ESR2: variants seen among roughly 807,000 people sequenced by gnomAD.
The protein encoded by ESR2 is estrogen receptor 2.
In ESR2, 36 loss-of-function variants were observed where a neutral mutation model predicts 49.6. The observed-to-expected ratio is 0.73, with a 90% CI of 0.56 to 0.96. ESR2 has a LOEUF of 0.96. ESR2 is among the 40% of genes least tolerant of loss of function. The probability of loss-of-function intolerance (pLI) is 0.00; values close to 1 mark genes in which losing one functional copy is unlikely to be tolerated. For missense variants in ESR2, 714 were observed against 693.0 expected, an observed-to-expected ratio of 1.03 and a Z score of -0.34; for synonymous variants, 320 against 266.1, an observed-to-expected ratio of 1.20 and a Z score of -1.97.
At chr14:64,242,568 G>A (rs1376875117) in intron 7 of ESR2, among the ~76,000 whole-genome samples, 1 of 151,152 alleles carries the variant, frequency 6.6e-6, no homozygotes, top group Non-Finnish European at 1.5e-5. Flanking sequence ...GCTTGTTCAT[G>A]ATGTGCTATT....
intron 1 of ESR2, among the ~76,000 whole-genome samples, chr14:64,306,381 A>AGC (rs2077099291): frequency 1.3e-5 from 2 of 152,202 alleles, no homozygotes; most frequent in Admixed American, 1.3e-4. Flanking sequence ...CTCTGACATC[A>AGC]GCAGCAACAC....
At chr14:64,274,755 C>G (rs2076523016) in intron 3 of ESR2, among the ~76,000 whole-genome samples, 1 of 152,132 alleles carries the variant, frequency 6.6e-6, no homozygotes, top group Non-Finnish European at 1.5e-5. Flanking sequence ...TATAAACTTT[C>G]CTCTTAGTAC....
At chr14:64,311,715 G>A (rs552429260) in intron 1 of ESR2, among the ~76,000 whole-genome samples, 84 of 150,948 alleles carry the variant, frequency 5.6e-4, no homozygotes, top group African/African-American at 2.0e-3. Context: ...TTGGTAGGCT[G>A]AGCAGGGGGA....
At chr14:64,288,415 C>G (rs1262496475) in intron 1 of ESR2, among the ~76,000 whole-genome samples, 1 of 146,550 alleles carries the variant, frequency 6.8e-6, no homozygotes, top group Non-Finnish European at 1.5e-5. Flanking sequence ...GTGGTGCAAT[C>G]TTGGCTCACT....
At chr14:64,233,461 G>T in intron 8 of ESR2, 138 bp from the exon 9 acceptor site, 1 of 763,572 alleles carries the variant, frequency 1.3e-6, no homozygotes, top group Non-Finnish European at 2.1e-6. Flanking sequence ...TTTATCCATG[G>T]CTCGTGCATC....
intron 7 of ESR2, among the ~76,000 whole-genome samples, chr14:64,243,432 A>C (rs55947517): frequency 0.056 from 8,478 of 152,306 alleles, 331 homozygotes; most frequent in Non-Finnish European, 0.08. Context: ...AAATGGTACT[A>C]ACAGACTTGT....
chr14:64,244,491 C>G (rs2075808356), intron 7 of ESR2, among the ~76,000 whole-genome samples: 1 of 152,106 alleles, frequency 6.6e-6, no homozygotes, highest in Admixed American at 6.6e-5. Flanking sequence ...GCTGAGTGCC[C>G]AGATAGAACG....
chr14:64,284,857 T>A (rs1279077469), intron 1 of ESR2, among the ~76,000 whole-genome samples: 1 of 151,646 alleles, frequency 6.6e-6, no homozygotes, highest in Non-Finnish European at 1.5e-5. Flanking sequence ...TTACTTTTTT[T>A]TTTTTTTTTT....
intron 1 of ESR2, among the ~76,000 whole-genome samples, chr14:64,314,166 T>C (rs556826926): frequency 2.0e-5 from 3 of 151,940 alleles, no homozygotes; most frequent in Middle Eastern, 3.4e-3. Flanking sequence ...TGAAATCGTA[T>C]AGAATGTGAT....
chr14:64,227,678 G>A (rs776827958), downstream of ESR2: 1 of 1,610,754 alleles, frequency 6.2e-7, no homozygotes, highest in Non-Finnish European at 8.5e-7. Flanking sequence ...GCATTTCAAA[G>A]CTTAATATTG....
In ESR2 at chr14:64,282,674, C is replaced by G; in HGVS notation, c.312G>C (p.Lys104Asn). 1.2e-6 allele frequency: 2 copies of G among 1,613,156 alleles called. No homozygotes were observed. Among genetic ancestry groups the G allele is most frequent in the Non-Finnish European group, 1.7e-6 (2 of 1,179,122 alleles). The change falls in exon 2 of 9, where the codon AAG becomes AAC. Residue 104 changes from lysine to asparagine, a missense_variant. Physicochemically the swap from Lys to Asn is moderately conservative, Grantham distance 94 (BLOSUM62 0). Transcript: ENST00000341099. ...GCGATCTTGCTTCACACCAGGGACT[C>G]TTTTGAGGTTCCGCATACAGATGTG... ...QLSHLYAEPQKSPWCEARSLE... is the reference protein window; with the variant it reads ...QLSHLYAEPQNSPWCEARSLE...
At chr14:64,283,470 G>A (rs924897923) in intron 1 of ESR2, among the ~76,000 whole-genome samples, 1 of 152,012 alleles carries the variant, frequency 6.6e-6, no homozygotes, top group Non-Finnish European at 1.5e-5. Context: ...ATTAAAATAC[G>A]CTATGAGGCC....
rs1026919050 is a variant in ESR2, at chr14:64,230,112, G to T, written c.*3025C>A. Among the ~76,000 whole-genome samples the T allele has an allele frequency of 1.3e-5, 2 of 151,488 alleles. No individual in the cohort carries two copies. Among genetic ancestry groups the T allele is most frequent in the South Asian group, 2.1e-4 (1 of 4,806 alleles). The stretch of plus-strand genomic sequence containing the variant: ...GATGGGGCACTGTGGTGGGAGGATC[G>T]CTTGAGCCCAGGAGGTCGAGGCTGC... On this transcript the variant is annotated 3_prime_UTR_variant, in exon 9 of 9. Transcript: ENST00000341099.
chr14:64,240,002 G>C (rs947961066), intron 7 of ESR2, among the ~76,000 whole-genome samples: 1 of 152,166 alleles, frequency 6.6e-6, no homozygotes, highest in South Asian at 2.1e-4. Context: ...TTAGTATTTA[G>C]AAGTCATTAA....
At chr14:64,320,875 A>C (rs561872106) in intron 1 of ESR2, among the ~76,000 whole-genome samples, 1 of 152,284 alleles carries the variant, frequency 6.6e-6, no homozygotes, top group South Asian at 2.1e-4. Context: ...AGCCTAGGTA[A>C]CAAGAGCGAA....
At chr14:64,261,550 T>G (rs1392721891) in intron 4 of ESR2, among the ~76,000 whole-genome samples, 1 of 152,174 alleles carries the variant, frequency 6.6e-6, no homozygotes, top group Admixed American at 6.5e-5. Flanking sequence ...CCCAAGTAGC[T>G]GGGATTACAG....
At chr14:64,333,057 T>C (rs898871006) in intron 1 of ESR2, among the ~76,000 whole-genome samples, 3 of 151,562 alleles carry the variant, frequency 2.0e-5, no homozygotes, top group Non-Finnish European at 4.4e-5. Context: ...TTTGTATTTT[T>C]TAGTAGAGAT....
rs1218181263 is a variant in ESR2, at chr14:64,260,503, T to C, written c.898A>G (p.Lys300Glu). ...TGTACCAACTCCTTGTCGGCCAACT[T>C]GGTCAGGGACATCATCATGGAGGCC... ...TEASMMMSLT[K>E]LADKELVHMI... The change falls in exon 5 of 9, where the codon AAG becomes GAG. Residue 300 changes from lysine (K) to glutamate (E), a missense_variant. By Grantham distance (56) the Lys-to-Glu change is moderately conservative. Coordinates refer to ENST00000341099, the MANE Select transcript of ESR2 (RefSeq NM_001437.3). 3.9e-6 allele frequency: 6 copies of C among 1,537,440 alleles called. No homozygotes were observed. The highest frequency in any genetic ancestry group is 4.4e-6 in the Non-Finnish European group (5 of 1,143,090).
At chr14:64,327,232 T>C (rs1255180432) in intron 1 of ESR2, among the ~76,000 whole-genome samples, 2 of 152,154 alleles carry the variant, frequency 1.3e-5, no homozygotes, top group African/African-American at 4.8e-5. Context: ...CAAATGTCCA[T>C]TCCAAAATTA....
Sources: allele counts gnomAD v4.1 joint callset (sites outside exome capture counted in the v4.1 genomes callset), GRCh38; gene constraint gnomAD v4.1.1; transcripts MANE v1.5; gene names NCBI Gene and HGNC (gene_info 2026-07-23, HGNC 2026-07-21).